Variants in C8orf34 observed in about 807,000 individuals in gnomAD.
C8orf34 encodes the protein chromosome 8 open reading frame 34.
In C8orf34, 65 loss-of-function variants were observed where a neutral mutation model predicts 68.3. The ratio of observed to expected loss-of-function variants is 0.95; its 90% CI spans 0.78 to 1.17. C8orf34 has a LOEUF of 1.17. Ranked by LOEUF, C8orf34 falls within the 50% of genes most tolerant of loss-of-function variation. C8orf34 has a pLI of 0.00. For synonymous variants in C8orf34, 244 were observed against 241.2 expected (o/e 1.01, Z -0.11); for missense variants, 664 against 655.4 (o/e 1.01, Z -0.14).
At chr8:68,729,429 T>G (rs938986651) in intron 10 of C8orf34, among the ~76,000 whole-genome samples, 6 of 152,218 alleles carry the variant, frequency 3.9e-5, no homozygotes, top group Non-Finnish European at 7.4e-5. Context: ...TTTCTCAATA[T>G]GCAAGTTGCA....
chr8:68,339,721 G>A (rs927341819), intron 1 of C8orf34, among the ~76,000 whole-genome samples: 1 of 151,824 alleles, frequency 6.6e-6, no homozygotes, highest in African/African-American at 2.4e-5. Flanking sequence ...GATAATTTTT[G>A]TGAGCTTGGG....
intron 7 of C8orf34, among the ~76,000 whole-genome samples, chr8:68,600,886 C>T (rs943408605): frequency 1.3e-5 from 2 of 152,130 alleles, no homozygotes; most frequent in African/African-American, 4.8e-5. Flanking sequence ...TATGTTTGTA[C>T]CCATTCACCA....
chr8:68,815,690 T>C (rs527815453), intron 12 of C8orf34, among the ~76,000 whole-genome samples, 196 bp from the exon 13 acceptor site: 1 of 152,292 alleles, frequency 6.6e-6, no homozygotes, highest in African/African-American at 2.4e-5. Flanking sequence ...GGAAAATGAC[T>C]GAATAATGGA....
At chr8:68,801,267 T>C (rs534041735) in intron 12 of C8orf34, among the ~76,000 whole-genome samples, 8 of 152,170 alleles carry the variant, frequency 5.3e-5, no homozygotes, top group Non-Finnish European at 1.0e-4. Flanking sequence ...CAAAAATAAA[T>C]TTAACATTTA....
chr8:68,574,150 C>CAAATTGATTATCAAAAATATTA, intron 7 of C8orf34, among the ~76,000 whole-genome samples: 1 of 151,920 alleles, frequency 6.6e-6, no homozygotes, highest in African/African-American at 2.4e-5. Context: ...TTGATTTTGA[C>CAAATTGATTATCAAAAATATTA]TCAATTTTTT....
At chr8:68,775,990 C>A (rs1823504066) in intron 10 of C8orf34, among the ~76,000 whole-genome samples, 1 of 151,920 alleles carries the variant, frequency 6.6e-6, no homozygotes, top group East Asian at 1.9e-4. Flanking sequence ...AATAACACAC[C>A]CTGGGACCTG....
intron 1 of C8orf34, among the ~76,000 whole-genome samples, chr8:68,378,049 C>T (rs535967238): frequency 1.3e-5 from 2 of 152,192 alleles, no homozygotes; most frequent in East Asian, 1.9e-4. Context: ...GTCCCACCCT[C>T]GACATGGGGG....
chr8:68,582,674 T>A (rs4576413), intron 7 of C8orf34, among the ~76,000 whole-genome samples: 30,735 of 151,904 alleles, frequency 0.2, 3,923 homozygotes, highest in African/African-American at 0.36. Context: ...CAAAGCACCA[T>A]ATTTTAGGTA....
intron 10 of C8orf34, among the ~76,000 whole-genome samples, chr8:68,774,235 AG>A (rs1342426114): frequency 6.7e-6 from 1 of 149,244 alleles, no homozygotes; most frequent in Non-Finnish European, 1.5e-5. Context: ...AACAGCCCAT[AG>A]CACTCCCAGG....
chr8:68,813,421 C>G (rs903581608), intron 12 of C8orf34, among the ~76,000 whole-genome samples: 4 of 151,890 alleles, frequency 2.6e-5, no homozygotes, highest in Non-Finnish European at 5.9e-5. Context: ...TTGCCCCACA[C>G]TCTAATCAAA....
At chr8:68,402,350 G>T (rs1232654420) in intron 1 of C8orf34, among the ~76,000 whole-genome samples, 1 of 151,736 alleles carries the variant, frequency 6.6e-6, no homozygotes, top group Non-Finnish European at 1.5e-5. Flanking sequence ...ATCTTTTCGA[G>T]GAACTAATTT....
At chr8:68,632,857 T>G (rs72666738) in intron 7 of C8orf34, among the ~76,000 whole-genome samples, 7,677 of 152,184 alleles carry the variant, frequency 0.05, 262 homozygotes, top group Middle Eastern at 0.11. Flanking sequence ...GAGTTCAGCT[T>G]TGGGAGCCTC....
chr8:68,677,058 G>T (rs1820213309), intron 8 of C8orf34, among the ~76,000 whole-genome samples: 2 of 152,190 alleles, frequency 1.3e-5, no homozygotes, highest in Admixed American at 1.3e-4. Context: ...TGAGATATGG[G>T]TTGGGACACA....
chr8:68,592,746 T>G (rs545909708), intron 7 of C8orf34, among the ~76,000 whole-genome samples: 2 of 151,986 alleles, frequency 1.3e-5, no homozygotes, highest in Admixed American at 6.6e-5. Context: ...GTAGCTAGAA[T>G]TACAGTCATG....
intron 1 of C8orf34, among the ~76,000 whole-genome samples, chr8:68,435,836 C>T (rs185213301): frequency 1.2e-4 from 19 of 152,174 alleles, no homozygotes; most frequent in Admixed American, 7.2e-4. Context: ...CCATGGCAAC[C>T]GTATGATGTA....
chr8:68,816,766 C>A (rs563576451), intron 13 of C8orf34, among the ~76,000 whole-genome samples: 7 of 152,166 alleles, frequency 4.6e-5, no homozygotes, highest in African/African-American at 1.4e-4. Flanking sequence ...ATATTATGTT[C>A]ATTGCCATAC....
At chr8:68,806,548 G>T in intron 12 of C8orf34, among the ~76,000 whole-genome samples, 1 of 148,760 alleles carries the variant, frequency 6.7e-6, no homozygotes, top group East Asian at 1.9e-4. Context: ...AATATTTTTA[G>T]TCACCTGTTA....
intron 7 of C8orf34, among the ~76,000 whole-genome samples, chr8:68,561,551 G>A (rs1324564354): frequency 6.6e-6 from 1 of 152,140 alleles, no homozygotes; most frequent in Non-Finnish European, 1.5e-5. Context: ...GAGGTCAGTA[G>A]TTCAAGATCA....
Position 68,577,167 on chromosome 8 carries a change from G to A in C8orf34, c.1105+44018G>A, listed in dbSNP as rs190593349. On this transcript the variant is annotated intron_variant, in intron 7 of 13. Transcript: ENST00000518698. ...CTAGTCAATGAGGTTTCTCCAAGGC[G>A]CAGGTATTGCTAATTGAGAAAAAAT... Among the ~76,000 whole-genome samples, 88 of 152,002 alleles carry A rather than the reference G, an allele frequency of 5.8e-4. 1 individual carries two copies. The highest frequency in any genetic ancestry group is 3.2e-4 in the Non-Finnish European group (22 of 67,908).
Sources: allele counts gnomAD v4.1 joint callset (sites outside exome capture counted in the v4.1 genomes callset), GRCh38; gene constraint gnomAD v4.1.1; transcripts MANE v1.5; gene names NCBI Gene and HGNC (gene_info 2026-07-23, HGNC 2026-07-21).